The following BRD7 variants were observed in gnomAD, a reference collection of about 807,000 sequenced individuals.
BRD7 encodes the protein bromodomain-containing protein 7.
A neutral mutation model predicts 82.1 loss-of-function variants in BRD7; 15 were observed. The ratio of observed to expected loss-of-function variants is 0.18; its 90% confidence interval spans 0.12 to 0.28. The LOEUF is 0.28. Ranked by LOEUF, BRD7 falls within the 10% of genes least tolerant of loss-of-function variation. The pLI, the probability that BRD7 is intolerant of heterozygous loss-of-function variation, is 1.00. For synonymous variants in BRD7, 232 were observed against 266.9 expected (o/e 0.87, Z 1.27); for missense variants, 638 against 779.9 (o/e 0.82, Z 2.17).
At chr16:50,323,563 T>A in intron 12 of BRD7, 24 bp downstream of exon 12, 2 of 1,481,928 alleles carry the variant, frequency 1.3e-6, no homozygotes, top group Non-Finnish European at 1.9e-6. Context: ...TAAATTACCC[T>A]GTTTTCATTA....
chr16:50,348,076 G>A (rs1234122197), intron 5 of BRD7, among the ~76,000 whole-genome samples: 2 of 152,118 alleles, frequency 1.3e-5, no homozygotes, highest in Non-Finnish European at 2.9e-5. Flanking sequence ...GAGAACAATG[G>A]AACAGAACAG....
At chr16:50,347,255 A>G (rs1466558176) in intron 5 of BRD7, among the ~76,000 whole-genome samples, 2 of 152,318 alleles carry the variant, frequency 1.3e-5, no homozygotes, top group South Asian at 2.1e-4. Context: ...TTGATAGGAC[A>G]TATCTCAAAA....
Position 50,351,483 on chromosome 16 carries a change from G to C in BRD7, c.447-1316C>G, listed in dbSNP as rs568183377. ...GGTGGCCTCCTGCAGCTACCCTTTG[G>C]AGGAAATTATCTAACTCCTAGGTCA... On this transcript the variant is annotated intron_variant, in intron 4 of 16. Coordinates refer to ENST00000394688, the MANE Select transcript of BRD7 (RefSeq NM_013263.5). Among the ~76,000 whole-genome samples the C allele has an allele frequency of 1.6e-4, 24 of 152,302 alleles. No individual in the cohort carries two copies. The South Asian group carries it at 4.4e-3, about 28-fold the overall frequency.
chr16:50,357,868 C>T (rs993297805), intron 2 of BRD7, among the ~76,000 whole-genome samples: 1 of 152,040 alleles, frequency 6.6e-6, no homozygotes, highest in Non-Finnish European at 1.5e-5. Context: ...GTAATCCCAG[C>T]TACTTGGGAG....
At chr16:50,320,443 G>A (rs751178071) in intron 14 of BRD7, 52 bp from the exon 15 acceptor site, 3 of 1,590,642 alleles carry the variant, frequency 1.9e-6, no homozygotes, top group African/African-American at 1.3e-5. Flanking sequence ...GCAGTAAACC[G>A]AATCCTAGGC....
rs908071948 is a variant in BRD7 at position 50,368,935 on chromosome 16, G to A, written c.-161C>T. 41 of 211,476 alleles carry A rather than the reference G, an allele frequency of 1.9e-4. No homozygotes were observed. The highest frequency in any genetic ancestry group is 5.0e-4 in the African/African-American group (21 of 41,910). The allele number at this position is 211,476 out of a possible 1,614,324, so 13.1% of individuals were successfully genotyped here. On this transcript the variant is annotated 5_prime_UTR_variant, in exon 1 of 17. Coordinates refer to ENST00000394688, the MANE Select transcript of BRD7 (RefSeq NM_013263.5). Reference sequence around the variant, plus strand: ...CGCCGGGCGGCGCGATGCCCCTCTCGAGAAGACGGCGCGCGAGACCCGGCC... The same window carrying A: ...CGCCGGGCGGCGCGATGCCCCTCTCAAGAAGACGGCGCGCGAGACCCGGCC...
intron 2 of BRD7, among the ~76,000 whole-genome samples, chr16:50,365,875 G>GA (rs1236742991): frequency 6.6e-6 from 1 of 151,732 alleles, no homozygotes; most frequent in East Asian, 1.9e-4. Context: ...ACCAAGAAAA[G>GA]AAAAAATGGA....
At chr16:50,349,588 CTCT>C (rs2038436752) in intron 5 of BRD7, 2 of 470,514 alleles carry the variant, frequency 4.3e-6, no homozygotes, top group South Asian at 3.1e-5. Context: ...TTAATCAAAG[CTCT>C]TTTCTTCATA....
At chr16:50,366,682 G>C (rs971839760) in intron 2 of BRD7, among the ~76,000 whole-genome samples, 4 of 152,150 alleles carry the variant, frequency 2.6e-5, no homozygotes, top group East Asian at 1.9e-4. Flanking sequence ...TTTTGAAATA[G>C]AAATAAGTAG....
At chr16:50,363,528 A>T (rs1045979860) in intron 2 of BRD7, among the ~76,000 whole-genome samples, 1 of 152,212 alleles carries the variant, frequency 6.6e-6, no homozygotes, top group African/African-American at 2.4e-5. Context: ...AATACTGCTG[A>T]TCCTACCCGT....
In BRD7 at chr16:50,320,445, A is replaced by T. The variant is rs551359627; in HGVS notation, c.1613-54T>A. ...TGTTTGATCTTGTGCAGTAAACCGA[A>T]TCCTAGGCTCTAGGGCTTTGCTAAT... On this transcript the variant is annotated intron_variant, in intron 14 of 16. Coordinates refer to ENST00000394688, the MANE Select transcript of BRD7 (RefSeq NM_013263.5). 296 of 1,588,568 alleles carry T rather than the reference A, an allele frequency of 1.9e-4. No individual in the cohort carries two copies. In the South Asian group the frequency reaches 3.3e-3, roughly 17 times the overall value.
At chr16:50,358,196 C>T (rs2038809443) in intron 2 of BRD7, among the ~76,000 whole-genome samples, 1 of 152,126 alleles carries the variant, frequency 6.6e-6, no homozygotes, top group East Asian at 1.9e-4. Context: ...GGCCAACTTG[C>T]TAACCTATGC....
chr16:50,348,232 C>T (rs1567279094), intron 5 of BRD7, among the ~76,000 whole-genome samples: 3 of 152,174 alleles, frequency 2.0e-5, no homozygotes, highest in African/African-American at 7.2e-5. Context: ...AACTGGATCC[C>T]TTCCTTACAC....
At chr16:50,319,359 C>T (rs1406443400) in intron 16 of BRD7, 93 bp from the exon 17 acceptor site, 1 of 1,185,756 alleles carries the variant, frequency 8.4e-7, no homozygotes, top group East Asian at 2.4e-5. Flanking sequence ...AGAAGCATAA[C>T]TGCTGAGAGC....
At position 50,368,910 on chromosome 16, in the gene BRD7, C is replaced by A; in HGVS notation, c.-136G>T. The stretch of plus-strand genomic sequence containing the variant: ...CGCCGCGAGGCAGGGGGGCGGCGCG[C>A]GCCGGGCGGCGCGATGCCCCTCTCG... On this transcript the variant is annotated 5_prime_UTR_variant, in exon 1 of 17. Coordinates refer to ENST00000394688, the MANE Select transcript of BRD7 (RefSeq NM_013263.5). The A allele has an allele frequency of 2.9e-6, 1 of 346,454 alleles. No homozygotes were observed. The highest frequency in any genetic ancestry group is 1.1e-4 in the South Asian group (1 of 9,010). The allele number at this position is 346,454 out of a possible 1,614,324, so 21.5% of individuals were successfully genotyped here. A position where few individuals can be genotyped will look rare whatever the true frequency, so the allele number is the denominator to read the frequency against.
chr16:50,319,104 G>A lies in BRD7; in HGVS notation c.*107C>T. The A allele has an allele frequency of 8.6e-7, 1 of 1,158,666 alleles. No individual in the cohort carries two copies. Among genetic ancestry groups the A allele is most frequent in the South Asian group, 1.5e-5 (1 of 66,770 alleles). The allele number at this position is 1,158,666 out of a possible 1,614,324, so 71.8% of individuals were successfully genotyped here. A position where few individuals can be genotyped will look rare whatever the true frequency, so the allele number is the denominator to read the frequency against. Reference sequence around the variant, plus strand: ...GAACATCCAAATTCGCTGTTCCAAAGTTTAATTAAAAACACAATTTACAAA... The same window carrying A: ...GAACATCCAAATTCGCTGTTCCAAAATTTAATTAAAAACACAATTTACAAA... On this transcript the variant is annotated 3_prime_UTR_variant, in exon 17 of 17. Coordinates refer to ENST00000394688, the MANE Select transcript of BRD7 (RefSeq NM_013263.5).
chr16:50,334,591 ACAC>A lies in BRD7; in HGVS notation c.887+117_887+119del. 23 of 1,210,798 alleles carry A rather than the reference ACAC, an allele frequency of 1.9e-5. 2 individuals carry two copies. The South Asian group carries it at 2.5e-4, about 13-fold the overall frequency. The allele number at this position is 1,210,798 out of a possible 1,614,324, so 75.0% of individuals were successfully genotyped here. On this transcript the variant is annotated intron_variant, in intron 7 of 16. Transcript: ENST00000394688. Reference sequence around the variant, plus strand: ...CATCAAAATGGACTTTCATGCCAAAACACCACCACCACCGACACACTAGCACTT... The same window carrying A: ...CATCAAAATGGACTTTCATGCCAAAACACCACCACCGACACACTAGCACTT...
chr16:50,346,338 C>T (rs926339173), intron 5 of BRD7, among the ~76,000 whole-genome samples: 1 of 151,728 alleles, frequency 6.6e-6, no homozygotes, highest in Non-Finnish European at 1.5e-5. Flanking sequence ...AAATTGATAC[C>T]CTAACATCAC....
At chr16:50,328,568 G>T in intron 9 of BRD7, 101 bp downstream of exon 9, 4 of 976,968 alleles carry the variant, frequency 4.1e-6, no homozygotes, top group South Asian at 3.1e-5. Flanking sequence ...TAATGACACA[G>T]ACTGATCAAT....
Sources: allele counts gnomAD v4.1 joint callset (sites outside exome capture counted in the v4.1 genomes callset), GRCh38; gene constraint gnomAD v4.1.1; transcripts MANE v1.5; gene names NCBI Gene and HGNC (gene_info 2026-07-23, HGNC 2026-07-21).